Variants in LRP1B observed in about 807,000 individuals in gnomAD.
LRP1B encodes LDL receptor related protein 1B, also known as low-density lipoprotein receptor-related protein 1B.
LRP1B carries 217 observed loss-of-function variants against 556.6 expected under a neutral mutation model. The observed-to-expected ratio is 0.39, with a 90% CI of 0.35 to 0.44. LRP1B has a LOEUF of 0.44. LRP1B is among the 20% of genes least tolerant of loss of function. The pLI, the probability that LRP1B is intolerant of heterozygous loss-of-function variation, is 1.00. For synonymous variants in LRP1B, 2,047 were observed against 1,865.8 expected, an observed-to-expected ratio of 1.10 and a Z score of -2.50; for missense variants, 5,053 against 5,620.8, an observed-to-expected ratio of 0.90 and a Z score of 3.23.
chr2:141,937,059 TTAAAG>T (rs1700654244), intron 1 of LRP1B, among the ~76,000 whole-genome samples: 1 of 143,010 alleles, frequency 7.0e-6, no homozygotes, highest in Admixed American at 7.5e-5. Context: ...AAAAGTAACC[TTAAAG>T]TAAATTTGTG....
At chr2:141,508,092 A>AC (rs1324563364) in intron 2 of LRP1B, among the ~76,000 whole-genome samples, 1 of 131,028 alleles carries the variant, frequency 7.6e-6, no homozygotes, top group African/African-American at 2.9e-5. Flanking sequence ...TCCCCCCCCC[A>AC]AAAAAAAAGA....
At chr2:140,932,916 C>CACACACACAT (rs766679275) in intron 20 of LRP1B, among the ~76,000 whole-genome samples, 2 of 147,516 alleles carry the variant, frequency 1.4e-5, no homozygotes, top group Non-Finnish European at 3.0e-5. Flanking sequence ...CACACACACA[C>CACACACACAT]ATATATATGT....
chr2:141,202,360 A>G (rs900593276), intron 6 of LRP1B, among the ~76,000 whole-genome samples: 1 of 152,176 alleles, frequency 6.6e-6, no homozygotes, highest in African/African-American at 2.4e-5. Flanking sequence ...TATTGTGAAT[A>G]GTTCTGCAAT....
chr2:140,890,874 G>A (rs1290001807), intron 23 of LRP1B, among the ~76,000 whole-genome samples: 1 of 151,968 alleles, frequency 6.6e-6, no homozygotes, highest in African/African-American at 2.4e-5. Context: ...TAAAATAAAT[G>A]AAGAATTTTC....
chr2:141,882,800 T>C (rs1698995237), intron 1 of LRP1B, among the ~76,000 whole-genome samples: 2 of 152,158 alleles, frequency 1.3e-5, no homozygotes, highest in South Asian at 4.1e-4. Flanking sequence ...CTCAAACTCC[T>C]GGGCTCCTGT....
At chr2:140,509,835 T>C (rs1326538179) in intron 52 of LRP1B, 93 bp downstream of exon 52, 2 of 1,507,284 alleles carry the variant, frequency 1.3e-6, no homozygotes, top group African/African-American at 2.8e-5. Flanking sequence ...AGGAAAGCAA[T>C]GGGAAATGTG....
chr2:140,372,915 T>C, intron 69 of LRP1B, 93 bp downstream of exon 69: 2 of 1,305,710 alleles, frequency 1.5e-6, no homozygotes, highest in South Asian at 1.2e-5. Context: ...ACATATGACA[T>C]ATTTGCCACT....
At chr2:141,137,516 T>A (rs1701520244) in intron 7 of LRP1B, among the ~76,000 whole-genome samples, 1 of 151,978 alleles carries the variant, frequency 6.6e-6, no homozygotes, top group Admixed American at 6.6e-5. Context: ...CAAAATGATG[T>A]TTTGAAGCAT....
At chr2:141,857,937 CTG>C (rs764194400) in intron 1 of LRP1B, among the ~76,000 whole-genome samples, 1 of 152,120 alleles carries the variant, frequency 6.6e-6, no homozygotes, top group Non-Finnish European at 1.5e-5. Flanking sequence ...TTGATACTAT[CTG>C]TACTATTACA....
At chr2:141,574,970 G>T (rs557799414) in intron 2 of LRP1B, among the ~76,000 whole-genome samples, 1 of 151,982 alleles carries the variant, frequency 6.6e-6, no homozygotes, top group Non-Finnish European at 1.5e-5. Context: ...CCAAACAAAT[G>T]GAAAAACATT....
chr2:141,342,537 T>C (rs576358538), intron 3 of LRP1B, among the ~76,000 whole-genome samples: 8 of 151,898 alleles, frequency 5.3e-5, no homozygotes, highest in East Asian at 2.0e-4. Flanking sequence ...AATGACCTGA[T>C]TGAACTGAAA....
intron 66 of LRP1B, among the ~76,000 whole-genome samples, chr2:140,413,113 A>T (rs962068499): frequency 2.6e-5 from 4 of 152,188 alleles, no homozygotes; most frequent in Non-Finnish European, 5.9e-5. Context: ...AGTAGTAGAT[A>T]TAATAGTAGT....
chr2:142,113,636 CTAAA>C lies in LRP1B; in HGVS notation c.82+17008_82+17011del, dbSNP rs562360711. Among the ~76,000 whole-genome samples the C allele has an allele frequency of 2.7e-3, 408 of 152,122 alleles. 3 individuals are homozygous for C. Among genetic ancestry groups the C allele is most frequent in the Admixed American group, 8.6e-3 (131 of 15,224 alleles). ...CAGCACTAAAAACAAAACTAACTAA[CTAAA>C]TAAATAAATACGTGTGTACATTGAA... On this transcript the variant is annotated intron_variant, in intron 1 of 90. Coordinates refer to ENST00000389484, the MANE Select transcript of LRP1B (RefSeq NM_018557.3).
chr2:141,460,937 G>A (rs1008096359), intron 3 of LRP1B, among the ~76,000 whole-genome samples: 3 of 151,900 alleles, frequency 2.0e-5, no homozygotes, highest in African/African-American at 7.3e-5. Context: ...TAGAACTTGG[G>A]TCTGTTGAGT....
intron 2 of LRP1B, among the ~76,000 whole-genome samples, chr2:141,745,370 T>C (rs1435115799): frequency 6.6e-6 from 1 of 152,138 alleles, no homozygotes; most frequent in East Asian, 1.9e-4. Context: ...TTTTACTGCA[T>C]CTGAGCTGGA....
At chr2:141,850,622 C>CTGTGTGTGTGTGTGTGTGTG (rs70994458) in intron 1 of LRP1B, among the ~76,000 whole-genome samples, 1 of 141,102 alleles carries the variant, frequency 7.1e-6, no homozygotes, top group African/African-American at 2.6e-5. Flanking sequence ...AGCATAAACT[C>CTGTGTGTGTGTGTGTGTGTG]TGTGTGTGTG....
At chr2:141,947,816 G>GAAA (rs373885349) in intron 1 of LRP1B, among the ~76,000 whole-genome samples, 34 of 140,942 alleles carry the variant, frequency 2.4e-4, no homozygotes, top group East Asian at 8.2e-4. Context: ...TTAAATATCA[G>GAAA]AAAAAAAAAA....
chr2:141,211,808 G>A (rs1433827360), intron 6 of LRP1B, among the ~76,000 whole-genome samples: 1 of 152,066 alleles, frequency 6.6e-6, no homozygotes, highest in Non-Finnish European at 1.5e-5. Flanking sequence ...AAATTCTCTG[G>A]AAACACGTCC....
At chr2:140,386,190 A>G (rs1053256212) in intron 66 of LRP1B, among the ~76,000 whole-genome samples, 181 bp from the exon 67 acceptor site, 1 of 152,146 alleles carries the variant, frequency 6.6e-6, no homozygotes, top group African/African-American at 2.4e-5. Flanking sequence ...GTCTTGTTTT[A>G]TGTTGTTACT....
Sources: gnomAD v4.1 joint callset for allele counts (sites outside exome capture counted in the v4.1 genomes callset) on GRCh38, gnomAD v4.1.1 for gene constraint, MANE v1.5 for transcripts, NCBI Gene and HGNC (gene_info 2026-07-23, HGNC 2026-07-21) for gene names.